The following JAKMIP1 variants were observed in gnomAD, a reference collection of about 807,000 sequenced individuals.
The protein encoded by JAKMIP1 is janus kinase and microtubule-interacting protein 1.
A neutral mutation model predicts 113.0 loss-of-function variants in JAKMIP1; 33 were observed. That is an observed-to-expected ratio of 0.29 (90% confidence interval 0.22 to 0.39). JAKMIP1 has a LOEUF of 0.39. Among genes scored for constraint, JAKMIP1 ranks in the 10% least tolerant of loss-of-function variants. JAKMIP1 has a pLI of 1.00. For missense variants in JAKMIP1, 813 were observed against 1,080.5 expected (o/e 0.75, Z 3.47); for synonymous variants, 480 against 459.9 (o/e 1.04, Z -0.56).
At chr4:6,087,854 C>T (rs1721515050) in intron 3 of JAKMIP1, among the ~76,000 whole-genome samples, 1 of 152,132 alleles carries the variant, frequency 6.6e-6, no homozygotes, top group South Asian at 2.1e-4. Flanking sequence ...GCAGTTTCTC[C>T]TAAGCAGCTG....
chr4:6,093,876 A>T lies in JAKMIP1; in HGVS notation c.625-8247T>A, dbSNP rs578084798. On this transcript the variant is annotated intron_variant, in intron 3 of 20. Transcript: ENST00000409021. This position sits in a 1 kb window ranked among gnomAD's most constrained non-coding sequence, Gnocchi z 4.6. ...CACCACCACTCAATGTGTCTGGTCAACCTGTGTGCAGGGCTCCAGAGTCCC... is the reference window on the plus strand; with the variant it reads ...CACCACCACTCAATGTGTCTGGTCATCCTGTGTGCAGGGCTCCAGAGTCCC... 6.6e-6 allele frequency among the ~76,000 whole-genome samples: 1 copy of T among 152,226 alleles called. No homozygotes were observed. Among genetic ancestry groups the T allele is most frequent in the African/African-American group, 2.4e-5 (1 of 41,538 alleles).
chr4:6,114,700 A>T (rs1715474851), intron 1 of JAKMIP1, among the ~76,000 whole-genome samples: 1 of 152,258 alleles, frequency 6.6e-6, no homozygotes, highest in South Asian at 2.1e-4. Flanking sequence ...GATTCCAGAA[A>T]GGTACATTCT....
rs1406073478 is a variant in JAKMIP1, at chr4:6,125,847, ACC to A, written c.-147-12852_-147-12851del. On this transcript the variant is annotated intron_variant, in intron 1 of 20. Transcript: ENST00000409021. ...ACACACCATGCAGAAACACACACAC[ACC>A]CCCCATACAGAAACTCGCGCCATAC... Among the ~76,000 whole-genome samples the A allele has an allele frequency of 7.6e-4, 12 of 15,758 alleles. 1 individual carries two copies. Among genetic ancestry groups the A allele is most frequent in the Admixed American group, 1.2e-3 (2 of 1,630 alleles). 10.3% of individuals were successfully genotyped at this position (15,758 alleles called of 152,430 possible).
intron 1 of JAKMIP1, among the ~76,000 whole-genome samples, chr4:6,196,146 C>T (rs926525796): frequency 6.6e-6 from 1 of 152,216 alleles, no homozygotes; most frequent in African/African-American, 2.4e-5. Flanking sequence ...TCTGAACTGC[C>T]TCTAGGTGCT....
At position 6,185,191 on chromosome 4, in the gene JAKMIP1, T is replaced by C. The variant is rs1221733003; in HGVS notation, c.-148+15062A>G. On this transcript the variant is annotated intron_variant, in intron 1 of 20. Transcript: ENST00000409021. This position sits in a 1 kb window ranked among gnomAD's most constrained non-coding sequence, Gnocchi z 5.3. ...TAATGTGGGGCTTCACCTTGTGATC[T>C]TGTGAGTCAATTATCCCAATAAACT... Among the ~76,000 whole-genome samples the C allele has an allele frequency of 6.6e-6, 1 of 152,228 alleles. No homozygotes were observed. Among genetic ancestry groups the C allele is most frequent in the Non-Finnish European group, 1.5e-5 (1 of 68,030 alleles).
At chr4:6,127,071 T>C (rs889498405) in intron 1 of JAKMIP1, among the ~76,000 whole-genome samples, 2 of 151,150 alleles carry the variant, frequency 1.3e-5, no homozygotes, top group African/African-American at 4.9e-5. Context: ...CCGCACAGAG[T>C]TGGTGGCTCC....
intron 1 of JAKMIP1, among the ~76,000 whole-genome samples, chr4:6,132,650 A>AAAT (rs1553848560): frequency 7.7e-6 from 1 of 130,124 alleles, no homozygotes; most frequent in Non-Finnish European, 1.7e-5. Context: ...TCAAAAATAA[A>AAAT]AAAAAAAAAA....
chr4:6,167,541 C>T lies in JAKMIP1; in HGVS notation c.-148+32712G>A, dbSNP rs1056146478. On this transcript the variant is annotated intron_variant, in intron 1 of 20. Coordinates refer to ENST00000409021, the MANE Select transcript of JAKMIP1 (RefSeq NM_001099433.2). The surrounding 1 kb of genome is among the most constrained non-coding windows in gnomAD (Gnocchi z 5.3). ...CAAAGGGCCCTGAGCTTTGAAGGGCCCATGCTTAGTGCTCTTCTGATGCCA... is the reference window on the plus strand; with the variant it reads ...CAAAGGGCCCTGAGCTTTGAAGGGCTCATGCTTAGTGCTCTTCTGATGCCA... Among the ~76,000 whole-genome samples, 2 of 152,204 alleles carry T rather than the reference C, an allele frequency of 1.3e-5. No homozygotes were observed. Among genetic ancestry groups the T allele is most frequent in the African/African-American group, 2.4e-5 (1 of 41,450 alleles).
intron 17 of JAKMIP1, among the ~76,000 whole-genome samples, chr4:6,041,026 C>T (rs1249207554): frequency 6.6e-6 from 1 of 152,096 alleles, no homozygotes; most frequent in Non-Finnish European, 1.5e-5. Flanking sequence ...CACAGGAGTC[C>T]TTCTAGGTTC....
At chr4:6,079,081 G>A (rs1560151072) in intron 7 of JAKMIP1, 83 bp from the exon 8 acceptor site, 6 of 1,470,390 alleles carry the variant, frequency 4.1e-6, no homozygotes, top group Non-Finnish European at 5.7e-6. Context: ...AGGGAGCTGG[G>A]CCTGCCCATC....
At chr4:6,079,294 G>C (rs529616497) in intron 7 of JAKMIP1, among the ~76,000 whole-genome samples, 1 of 152,318 alleles carries the variant, frequency 6.6e-6, no homozygotes, top group South Asian at 2.1e-4. Flanking sequence ...ATAGATAAGT[G>C]GATGGAAGGA....
chr4:6,058,812 C>T (rs1377697403), intron 11 of JAKMIP1, among the ~76,000 whole-genome samples: 1 of 152,196 alleles, frequency 6.6e-6, no homozygotes, highest in Non-Finnish European at 1.5e-5. Context: ...TAAGCATTTA[C>T]TTACAACACT....
intron 13 of JAKMIP1, among the ~76,000 whole-genome samples, chr4:6,052,562 C>G (rs1394642388): frequency 1.3e-5 from 2 of 150,778 alleles, no homozygotes; most frequent in East Asian, 3.9e-4. Flanking sequence ...CGGAGAATCA[C>G]TCACACTCGG....
Position 6,051,945 on chromosome 4 carries a change from G to A in JAKMIP1, c.1807-1266C>T. Among the ~76,000 whole-genome samples, 1 of 152,138 alleles carries A rather than the reference G, an allele frequency of 6.6e-6. No homozygotes were observed. Among genetic ancestry groups the A allele is most frequent in the Admixed American group, 6.5e-5 (1 of 15,276 alleles). On this transcript the variant is annotated intron_variant, in intron 13 of 20. Coordinates refer to ENST00000409021, the MANE Select transcript of JAKMIP1 (RefSeq NM_001099433.2). This position sits in a 1 kb window ranked among gnomAD's most constrained non-coding sequence, Gnocchi z 5.0. Reference sequence around the variant, plus strand: ...TTAGTTTGAGCAGAGTTACGGTAAGGTAAAAAATAACATGCTTTGGGCCAT... The same window carrying A: ...TTAGTTTGAGCAGAGTTACGGTAAGATAAAAAATAACATGCTTTGGGCCAT...
At chr4:6,122,349 C>T (rs530319461) in intron 1 of JAKMIP1, among the ~76,000 whole-genome samples, 10 of 151,970 alleles carry the variant, frequency 6.6e-5, no homozygotes, top group Middle Eastern at 6.8e-3. Context: ...AATAAAATAG[C>T]GTAGACAAAT....
rs1008359186 is a variant in JAKMIP1 at position 6,140,025 on chromosome 4, C to T, written c.-147-27028G>A. Among the ~76,000 whole-genome samples, 1 of 152,060 alleles carries T rather than the reference C, an allele frequency of 6.6e-6. No homozygotes were observed. The highest frequency in any genetic ancestry group is 1.5e-5 in the Non-Finnish European group (1 of 68,036). ...ACTTCCAGCCTCCAGAACTAAGAGA[C>T]CATCCGTTTGTCTTGTGTATTCCAT... is the stretch of plus-strand genomic sequence containing the variant. On this transcript the variant is annotated intron_variant, in intron 1 of 20. Coordinates refer to ENST00000409021, the MANE Select transcript of JAKMIP1 (RefSeq NM_001099433.2). The surrounding 1 kb of genome is among the most constrained non-coding windows in gnomAD (Gnocchi z 9.4).
intron 8 of JAKMIP1, among the ~76,000 whole-genome samples, chr4:6,071,832 G>A (rs1335331824): frequency 6.6e-6 from 1 of 152,156 alleles, no homozygotes; most frequent in Non-Finnish European, 1.5e-5. Flanking sequence ...CTATCCCCAG[G>A]ACCCACATCT....
intron 1 of JAKMIP1, among the ~76,000 whole-genome samples, chr4:6,170,767 T>C: frequency 1.5e-5 from 1 of 65,640 alleles, no homozygotes; most frequent in African/African-American, 4.6e-5. Context: ...CACATCCCCA[T>C]CACCATCCCA....
chr4:6,098,739 G>A lies in JAKMIP1; in HGVS notation c.624+6734C>T, dbSNP rs201431847. ...AAGAAAGAAAAAGAAAGAAAGAGAA[G>A]GAAGGAAGGAAGGAAAGAAAGAGAA... On this transcript the variant is annotated intron_variant, in intron 3 of 20. Coordinates refer to ENST00000409021, the MANE Select transcript of JAKMIP1 (RefSeq NM_001099433.2). 1.1e-3 allele frequency among the ~76,000 whole-genome samples: 9 copies of A among 7,890 alleles called. 1 individual carries two copies. The highest frequency in any genetic ancestry group is 4.8e-3 in the Admixed American group (3 of 628). 5.2% of individuals were successfully genotyped at this position (7,890 alleles called of 152,430 possible).
Sources: allele counts gnomAD v4.1 joint callset (sites outside exome capture counted in the v4.1 genomes callset), GRCh38; gene constraint gnomAD v4.1.1; non-coding constraint Gnocchi (gnomAD v3.1); transcripts MANE v1.5; gene names NCBI Gene and HGNC (gene_info 2026-07-23, HGNC 2026-07-21).